The following RASGRF2 variants were observed in gnomAD, a reference collection of about 807,000 sequenced individuals.
RASGRF2 encodes Ras protein specific guanine nucleotide releasing factor 2.
A neutral mutation model predicts 151.0 loss-of-function variants in RASGRF2; 76 were observed. The observed-to-expected ratio is 0.50, with a 90% CI of 0.42 to 0.61. The LOEUF is 0.61. RASGRF2 is among the 20% of genes least tolerant of loss of function. RASGRF2 has a pLI of 0.00. For missense variants in RASGRF2, 1,148 were observed against 1,564.6 expected, an observed-to-expected ratio of 0.73 and a Z score of 4.49; for synonymous variants, 504 against 566.5, an observed-to-expected ratio of 0.89 and a Z score of 1.57.
chr5:81,144,226 A>T (rs114191395), intron 17 of RASGRF2, among the ~76,000 whole-genome samples: 2,634 of 152,346 alleles, frequency 0.017, 69 homozygotes, highest in African/African-American at 0.058. Flanking sequence ...TGGTAGTCAA[A>T]GTAATCTATG....
intron 1 of RASGRF2, among the ~76,000 whole-genome samples, chr5:80,985,403 T>C (rs906199342): frequency 2.0e-5 from 3 of 152,234 alleles, no homozygotes; most frequent in Non-Finnish European, 4.4e-5. Flanking sequence ...CATTTAGTAA[T>C]TGATATACGA....
chr5:81,059,050 C>T (rs1004509127), intron 2 of RASGRF2, among the ~76,000 whole-genome samples: 1 of 152,056 alleles, frequency 6.6e-6, no homozygotes, highest in Non-Finnish European at 1.5e-5. Context: ...CCACCCCTAC[C>T]CTTCTTTCTC....
chr5:81,155,505 A>G (rs985077909), intron 17 of RASGRF2, among the ~76,000 whole-genome samples: 5 of 152,252 alleles, frequency 3.3e-5, no homozygotes, highest in African/African-American at 1.2e-4. Flanking sequence ...ATCAGGGATG[A>G]AAGCAGAAAC....
At chr5:81,052,528 C>T (rs1477458311) in intron 2 of RASGRF2, among the ~76,000 whole-genome samples, 1 of 152,074 alleles carries the variant, frequency 6.6e-6, no homozygotes, top group East Asian at 1.9e-4. Flanking sequence ...GCTTGTGTTT[C>T]CATTTACTGT....
intron 26 of RASGRF2, 78 bp downstream of exon 26, chr5:81,219,856 G>T: frequency 8.5e-7 from 1 of 1,172,248 alleles, no homozygotes; most frequent in South Asian, 1.5e-5. Flanking sequence ...AGTAAAAGTT[G>T]ATCCAAAATA....
chr5:80,981,452 G>T (rs1456931376), intron 1 of RASGRF2, among the ~76,000 whole-genome samples: 1 of 152,106 alleles, frequency 6.6e-6, no homozygotes, highest in South Asian at 2.1e-4. Flanking sequence ...GCTTTCTTAC[G>T]ACAAGGATTG....
chr5:81,004,265 A>C (rs1476759072), intron 1 of RASGRF2, among the ~76,000 whole-genome samples: 1 of 152,252 alleles, frequency 6.6e-6, no homozygotes, highest in East Asian at 1.9e-4. Flanking sequence ...GTCATTTAAC[A>C]GGGGAGACAA....
At chr5:81,058,775 C>CAAAA (rs56875865) in intron 2 of RASGRF2, among the ~76,000 whole-genome samples, 45 of 70,084 alleles carry the variant, frequency 6.4e-4, no homozygotes, top group Middle Eastern at 0.011. Flanking sequence ...GGCCCTGTAT[C>CAAAA]AAAAAAAAAA....
chr5:81,172,434 CGTGTGTGTGTGTGTGTGTGT>C (rs57957668), intron 17 of RASGRF2, among the ~76,000 whole-genome samples: 7 of 145,502 alleles, frequency 4.8e-5, no homozygotes, highest in Admixed American at 1.4e-4. Context: ...CAAGGATGTG[CGTGTGTGTGTGTGTGTGTGT>C]GTGTGTGTGT....
At chr5:81,073,856 A>T (rs1019132401) in intron 5 of RASGRF2, among the ~76,000 whole-genome samples, 8 of 152,272 alleles carry the variant, frequency 5.3e-5, no homozygotes, top group Middle Eastern at 6.8e-3. Flanking sequence ...TGACCTCGTG[A>T]TCTGCCTGCC....
intron 1 of RASGRF2, chr5:80,998,034 T>C (rs1209108056): frequency 1.3e-5 from 2 of 151,718 alleles, no homozygotes; most frequent in Non-Finnish European, 1.5e-5. Flanking sequence ...AACAGCTGCA[T>C]CTTTAAAATA....
intron 10 of RASGRF2, among the ~76,000 whole-genome samples, chr5:81,094,090 T>G (rs1752469309): frequency 6.6e-6 from 1 of 152,152 alleles, no homozygotes; most frequent in South Asian, 2.1e-4. Context: ...TGAGAGTGGG[T>G]TGAAAGGGAA....
At chr5:81,106,833 C>G (rs1752859336) in intron 12 of RASGRF2, among the ~76,000 whole-genome samples, 1 of 152,148 alleles carries the variant, frequency 6.6e-6, no homozygotes, top group Non-Finnish European at 1.5e-5. Context: ...TTTCCAACTT[C>G]CTGATGCTCA....
chr5:81,060,101 C>T (rs2112435335), intron 2 of RASGRF2, among the ~76,000 whole-genome samples: 2 of 152,298 alleles, frequency 1.3e-5, no homozygotes, highest in South Asian at 4.1e-4. Context: ...AGAACTCATT[C>T]ACTGTCTTGA....
chr5:81,215,986 T>G, intron 24 of RASGRF2, 31 bp downstream of exon 24: 1 of 1,457,434 alleles, frequency 6.9e-7, no homozygotes, highest in Non-Finnish European at 9.0e-7. Flanking sequence ...AAATTATTCA[T>G]AATTCAGAAA....
intron 18 of RASGRF2, among the ~76,000 whole-genome samples, chr5:81,188,859 T>C (rs981631276): frequency 1.3e-5 from 2 of 152,170 alleles, no homozygotes; most frequent in Non-Finnish European, 2.9e-5. Flanking sequence ...ACCCCCAATC[T>C]TGCAGCCTCT....
At chr5:81,126,226 T>G (rs1580340698) in intron 16 of RASGRF2, among the ~76,000 whole-genome samples, 3 of 152,238 alleles carry the variant, frequency 2.0e-5, no homozygotes, top group Non-Finnish European at 4.4e-5. Flanking sequence ...TGAAAGGGAC[T>G]GCAAGGTTGC....
chr5:80,965,577 A>C (rs2112204802), intron 1 of RASGRF2, among the ~76,000 whole-genome samples: 1 of 152,324 alleles, frequency 6.6e-6, no homozygotes, highest in South Asian at 2.1e-4. Flanking sequence ...AATACATAAA[A>C]ATGCATTATT....
chr5:81,219,159 A>T (rs965812121), intron 25 of RASGRF2, among the ~76,000 whole-genome samples: 1 of 150,892 alleles, frequency 6.6e-6, no homozygotes, highest in African/African-American at 2.4e-5. Context: ...GCTCACTGCA[A>T]CCTCCACCTT....
Sources: allele counts gnomAD v4.1 joint callset (sites outside exome capture counted in the v4.1 genomes callset), GRCh38; gene constraint gnomAD v4.1.1; transcripts MANE v1.5; gene names NCBI Gene and HGNC (gene_info 2026-07-23, HGNC 2026-07-21).